SH3RF1: variants seen among roughly 807,000 people sequenced by gnomAD.
SH3RF1 encodes the protein SH3 domain containing ring finger 1, also known as E3 ubiquitin-protein ligase SH3RF1.
A neutral mutation model predicts 74.0 loss-of-function variants in SH3RF1; 32 were observed. The ratio of observed to expected loss-of-function variants is 0.43; its 90% confidence interval spans 0.33 to 0.58. The LOEUF (loss-of-function observed/expected upper bound fraction) is 0.58. Among genes scored for constraint, SH3RF1 ranks in the 20% least tolerant of loss-of-function variants. The pLI is 0.05. For missense variants in SH3RF1, 954 were observed against 1,130.9 expected (o/e 0.84, Z 2.24); for synonymous variants, 396 against 439.6 (o/e 0.90, Z 1.24).
At chr4:169,200,773 T>C (rs1734894316) in intron 2 of SH3RF1, among the ~76,000 whole-genome samples, 1 of 152,202 alleles carries the variant, frequency 6.6e-6, no homozygotes, top group African/African-American at 2.4e-5. Flanking sequence ...ATTAGGAAGA[T>C]ACTTTAGATA....
At chr4:169,245,569 A>T (rs1222130156) in intron 2 of SH3RF1, among the ~76,000 whole-genome samples, 1 of 152,190 alleles carries the variant, frequency 6.6e-6, no homozygotes, top group Non-Finnish European at 1.5e-5. Context: ...TAACATCATC[A>T]ACTAACTGTC....
At chr4:169,175,034 C>A (rs777901029) in intron 2 of SH3RF1, among the ~76,000 whole-genome samples, 1 of 152,152 alleles carries the variant, frequency 6.6e-6, no homozygotes, top group Non-Finnish European at 1.5e-5. Flanking sequence ...CCAGTTTTCC[C>A]CAATGTTGGT....
intron 2 of SH3RF1, among the ~76,000 whole-genome samples, chr4:169,266,482 T>G (rs1220041540): frequency 6.6e-6 from 1 of 152,208 alleles, no homozygotes; most frequent in Non-Finnish European, 1.5e-5. Flanking sequence ...ATTCTCACTC[T>G]TAAAAGGAGT....
intron 6 of SH3RF1, among the ~76,000 whole-genome samples, chr4:169,125,031 C>T (rs1048793435): frequency 1.3e-5 from 2 of 152,154 alleles, no homozygotes; most frequent in African/African-American, 2.4e-5. Flanking sequence ...GAAAATGACA[C>T]AAAATTCACA....
intron 8 of SH3RF1, among the ~76,000 whole-genome samples, chr4:169,120,250 A>C (rs1211112019): frequency 6.6e-6 from 1 of 152,242 alleles, no homozygotes; most frequent in Non-Finnish European, 1.5e-5. Context: ...TTCTGACTAT[A>C]TTATAGAATT....
chr4:169,202,553 A>G (rs1734928382), intron 2 of SH3RF1, among the ~76,000 whole-genome samples: 1 of 152,188 alleles, frequency 6.6e-6, no homozygotes, highest in Non-Finnish European at 1.5e-5. Flanking sequence ...CTAGCTTATA[A>G]TTAGTATTTG....
intron 2 of SH3RF1, among the ~76,000 whole-genome samples, chr4:169,236,196 C>A (rs1393688223): frequency 6.6e-6 from 1 of 152,222 alleles, no homozygotes; most frequent in African/African-American, 2.4e-5. Flanking sequence ...CCCTTTCCGA[C>A]CTCCTTGAAA....
intron 10 of SH3RF1, among the ~76,000 whole-genome samples, chr4:169,114,756 C>T (rs1446534763): frequency 6.6e-6 from 1 of 152,156 alleles, no homozygotes; most frequent in East Asian, 1.9e-4. Flanking sequence ...AAATATCAAT[C>T]TTTTTCAAAA....
At chr4:169,224,571 G>T (rs1003210848) in intron 2 of SH3RF1, among the ~76,000 whole-genome samples, 1 of 152,160 alleles carries the variant, frequency 6.6e-6, no homozygotes, top group Non-Finnish European at 1.5e-5. Context: ...GCCTGCCTCG[G>T]CCTCCCAAAG....
chr4:169,167,131 CTAAT>C (rs1375937983), intron 2 of SH3RF1: 1 of 160,206 alleles, frequency 6.2e-6, no homozygotes, highest in Non-Finnish European at 1.4e-5. Context: ...TCTTAAGAAC[CTAAT>C]TAAGTAACTG....
chr4:169,211,734 G>A (rs929328031), intron 2 of SH3RF1, among the ~76,000 whole-genome samples: 1 of 152,116 alleles, frequency 6.6e-6, no homozygotes, highest in Middle Eastern at 3.2e-3. Context: ...TATGTGTGTG[G>A]TTTATGGATG....
At chr4:169,112,577 C>A (rs1733259780) in intron 10 of SH3RF1, among the ~76,000 whole-genome samples, 1 of 152,060 alleles carries the variant, frequency 6.6e-6, no homozygotes, top group Non-Finnish European at 1.5e-5. Context: ...GCAAATCATC[C>A]CTGCAGATGA....
chr4:169,155,018 T>C (rs1180664768), intron 4 of SH3RF1, among the ~76,000 whole-genome samples: 21 of 152,160 alleles, frequency 1.4e-4, no homozygotes, highest in Non-Finnish European at 2.9e-5. Context: ...TGGAGGAAGA[T>C]TCATTGACTT....
At chr4:169,122,478 AG>A (rs1733458014) in intron 6 of SH3RF1, among the ~76,000 whole-genome samples, 1 of 152,188 alleles carries the variant, frequency 6.6e-6, no homozygotes, top group Non-Finnish European at 1.5e-5. Context: ...TTAAAGCCAA[AG>A]CAACCTTTTC....
At chr4:169,097,225 C>A (rs558101186) in intron 11 of SH3RF1, among the ~76,000 whole-genome samples, 2 of 152,234 alleles carry the variant, frequency 1.3e-5, no homozygotes, top group Non-Finnish European at 2.9e-5. Context: ...ACGTCCCTTA[C>A]ACTGGTGTTT....
rs554414193 is a variant in SH3RF1 at position 169,143,405 on chromosome 4, C to T, written c.766-6785G>A. On this transcript the variant is annotated intron_variant, in intron 4 of 11. Coordinates refer to ENST00000284637, the MANE Select transcript of SH3RF1 (RefSeq NM_020870.4). ...GTGCTTCCATCCCACTCAGTTTGGA[C>T]GAGTCTCGCTGCAAGTTGCTCAACA... Among the ~76,000 whole-genome samples, 6 of 152,218 alleles carry T rather than the reference C, an allele frequency of 3.9e-5. No individual in the cohort carries two copies. In the East Asian group the frequency reaches 9.7e-4, roughly 24 times the overall value.
chr4:169,188,526 C>T (rs777786447), intron 2 of SH3RF1, among the ~76,000 whole-genome samples: 6 of 152,264 alleles, frequency 3.9e-5, no homozygotes, highest in Admixed American at 2.0e-4. Context: ...CATTAAGAAA[C>T]GATACACTGC....
chr4:169,268,669 G>GA, intron 2 of SH3RF1, 151 bp downstream of exon 2: 1 of 756,848 alleles, frequency 1.3e-6, no homozygotes, highest in Non-Finnish European at 1.9e-6. Context: ...CAAGATGGGG[G>GA]AAAAAAATAT....
chr4:169,096,444 G>C lies in SH3RF1; in HGVS notation c.*75C>G. ...CCTGACCATCTGGAAGTCCACAAAT[G>C]TGCTCTTTCTGTTAAACTGCTTTGT... On this transcript the variant is annotated 3_prime_UTR_variant, in exon 12 of 12. Transcript: ENST00000284637. 6.6e-7 allele frequency: 1 copy of C among 1,504,474 alleles called. No individual in the cohort carries two copies. The highest frequency in any genetic ancestry group is 9.0e-7 in the Non-Finnish European group (1 of 1,107,352). The allele number at this position is 1,504,474 out of a possible 1,614,324, so 93.2% of individuals were successfully genotyped here.
Sources: gnomAD v4.1 joint callset for allele counts (sites outside exome capture counted in the v4.1 genomes callset) on GRCh38, gnomAD v4.1.1 for gene constraint, MANE v1.5 for transcripts, NCBI Gene and HGNC (gene_info 2026-07-23, HGNC 2026-07-21) for gene names.